The following RBFOX3 variants were observed in gnomAD, a reference collection of about 807,000 sequenced individuals.
RBFOX3 encodes the protein RNA binding fox-1 homolog 3, also known as RNA binding protein fox-1 homolog 3.
Under a neutral mutation model 48.7 loss-of-function variants are expected in RBFOX3, and 17 were observed. That is an observed-to-expected ratio of 0.35 (90% confidence interval 0.24 to 0.52). The LOEUF is 0.52. RBFOX3 is among the 20% of genes least tolerant of loss of function. The pLI, the probability that RBFOX3 is intolerant of heterozygous loss-of-function variation, is 0.94. For synonymous variants in RBFOX3, 212 were observed against 209.5 expected (o/e 1.01, Z -0.10); for missense variants, 382 against 497.5 (o/e 0.77, Z 2.21).
At chr17:79,334,848 C>T (rs1338100259) in intron 2 of RBFOX3, among the ~76,000 whole-genome samples, 1 of 152,244 alleles carries the variant, frequency 6.6e-6, no homozygotes, top group Admixed American at 6.5e-5. Flanking sequence ...TTGCCTGTGC[C>T]TGGCACGTAG....
the RBFOX3 span, among the ~76,000 whole-genome samples, chr17:79,620,631 ACG>A: frequency 9.3e-5 from 1 of 10,716 alleles, no homozygotes; most frequent in Non-Finnish European, 9.4e-4. Flanking sequence ...ACATGCACAC[ACG>A]CACACGCACA....
rs1342853404 is a variant in RBFOX3, at chr17:79,443,690, G to A, written c.-175+38764C>T. On this transcript the variant is annotated intron_variant, in intron 2 of 14. Transcript: ENST00000693108. This position sits in a 1 kb window ranked among gnomAD's most constrained non-coding sequence, Gnocchi z 4.4. ...GAGCCACCGCACCCTCTTGTTCACT[G>A]TCTCACATGTGCACACACTCGTTCT... Among the ~76,000 whole-genome samples, 2 of 152,162 alleles carry A rather than the reference G, an allele frequency of 1.3e-5. No homozygotes were observed. Among genetic ancestry groups the A allele is most frequent in the Non-Finnish European group, 2.9e-5 (2 of 68,038 alleles).
intron 1 of RBFOX3, among the ~76,000 whole-genome samples, chr17:79,581,216 C>T (rs1348376496): frequency 6.6e-6 from 1 of 152,154 alleles, no homozygotes; most frequent in Non-Finnish European, 1.5e-5. Context: ...CCACTGCACT[C>T]CAGCCTGGGC....
chr17:79,292,081 C>G (rs971805214), intron 3 of RBFOX3, among the ~76,000 whole-genome samples: 1 of 152,108 alleles, frequency 6.6e-6, no homozygotes, highest in Admixed American at 6.5e-5. Context: ...AGGGCTTTCT[C>G]TGGTGATCAG....
chr17:79,486,704 G>A (rs1388522685), intron 1 of RBFOX3, among the ~76,000 whole-genome samples: 2 of 152,196 alleles, frequency 1.3e-5, no homozygotes, highest in Non-Finnish European at 2.9e-5. Flanking sequence ...GGGTGGCAGG[G>A]CCCCCAGAAG....
At chr17:79,186,176 G>A (rs1321278176) in intron 4 of RBFOX3, among the ~76,000 whole-genome samples, 2 of 152,370 alleles carry the variant, frequency 1.3e-5, no homozygotes, top group South Asian at 2.1e-4. Context: ...GGGCCCAGGA[G>A]CATGTCTGGA....
At position 79,340,280 on chromosome 17, in the gene RBFOX3, T is replaced by C. The variant is rs575144338; in HGVS notation, c.-174-32456A>G. Among the ~76,000 whole-genome samples, 261 of 143,662 alleles carry C rather than the reference T, an allele frequency of 1.8e-3. 1 individual carries two copies. Among genetic ancestry groups the C allele is most frequent in the African/African-American group, 6.2e-3 (242 of 39,320 alleles). 94.2% of individuals were successfully genotyped at this position (143,662 alleles called of 152,430 possible). On this transcript the variant is annotated intron_variant, in intron 2 of 14. Transcript: ENST00000693108. Reference sequence around the variant, plus strand: ...CACCATTGCACTCCAGCCTGGGCAATAGAGTGAGACTCCATCTCAAAAAAA... The same window carrying C: ...CACCATTGCACTCCAGCCTGGGCAACAGAGTGAGACTCCATCTCAAAAAAA...
chr17:79,639,335 C>T, the RBFOX3 span, among the ~76,000 whole-genome samples: 4 of 151,984 alleles, frequency 2.6e-5, no homozygotes, highest in Non-Finnish European at 4.4e-5. Flanking sequence ...CCACCGCGCC[C>T]GGCTAATTTT....
chr17:79,590,454 T>C (rs2093384252), intron 1 of RBFOX3, among the ~76,000 whole-genome samples: 2 of 152,234 alleles, frequency 1.3e-5, no homozygotes, highest in Admixed American at 6.5e-5. Flanking sequence ...CTTCCAAAAA[T>C]TGCAACCTAT....
intron 3 of RBFOX3, among the ~76,000 whole-genome samples, chr17:79,259,501 G>A (rs1185505518): frequency 6.6e-6 from 1 of 152,216 alleles, no homozygotes; most frequent in Non-Finnish European, 1.5e-5. Flanking sequence ...GAGAAGACAA[G>A]CTGCAAACCA....
chr17:79,332,010 G>A, intron 2 of RBFOX3, among the ~76,000 whole-genome samples: 1 of 152,182 alleles, frequency 6.6e-6, no homozygotes, highest in Admixed American at 6.5e-5. Context: ...TCTATCTCAG[G>A]TCTGAGCAAC....
At chr17:79,584,426 A>G (rs1449286558) in intron 1 of RBFOX3, among the ~76,000 whole-genome samples, 2 of 152,250 alleles carry the variant, frequency 1.3e-5, no homozygotes, top group African/African-American at 4.8e-5. Flanking sequence ...GATACAAAAA[A>G]AGATATTTGC....
intron 3 of RBFOX3, among the ~76,000 whole-genome samples, chr17:79,281,646 A>T (rs1376665939): frequency 6.6e-6 from 1 of 152,208 alleles, no homozygotes; most frequent in Admixed American, 6.5e-5. Context: ...ACATCTCTGC[A>T]CCGCTAGCCC....
rs1163692811 is a variant in RBFOX3 at position 79,212,295 on chromosome 17, G to T, written c.-34+23471C>A. On this transcript the variant is annotated intron_variant, in intron 4 of 14. Transcript: ENST00000693108. This position sits in a 1 kb window ranked among gnomAD's most constrained non-coding sequence, Gnocchi z 4.7. ...GCTGGGGCAGGGCTGCTCCGCCTGG[G>T]CTCCTACGTGACTCCTTTCTCCTCC... Among the ~76,000 whole-genome samples, 1 of 152,090 alleles carries T rather than the reference G, an allele frequency of 6.6e-6. No homozygotes were observed. The highest frequency in any genetic ancestry group is 2.4e-5 in the African/African-American group (1 of 41,404).
At chr17:79,366,396 T>C (rs1490194019) in intron 2 of RBFOX3, among the ~76,000 whole-genome samples, 1 of 152,242 alleles carries the variant, frequency 6.6e-6, no homozygotes, top group East Asian at 1.9e-4. Flanking sequence ...AAAGTGTTTA[T>C]TTAATTCTAA....
chr17:79,163,165 G>A (rs900577220), intron 4 of RBFOX3, among the ~76,000 whole-genome samples: 2 of 152,190 alleles, frequency 1.3e-5, no homozygotes, highest in African/African-American at 4.8e-5. Flanking sequence ...GGGAGCATCC[G>A]GCCCCAGGAC....
chr17:79,389,082 G>A (rs1019979118), intron 2 of RBFOX3, among the ~76,000 whole-genome samples: 1 of 150,252 alleles, frequency 6.7e-6, no homozygotes, highest in Admixed American at 6.6e-5. Context: ...AGAGACGGAG[G>A]GACGAAGCGG....
intron 1 of RBFOX3, among the ~76,000 whole-genome samples, chr17:79,520,471 G>A (rs1438302159): frequency 2.6e-5 from 4 of 152,164 alleles, no homozygotes; most frequent in Non-Finnish European, 5.9e-5. Context: ...TCAGGTGCCA[G>A]GAACACAGGA....
the RBFOX3 span, among the ~76,000 whole-genome samples, chr17:79,620,563 A>G: frequency 7.1e-6 from 1 of 141,458 alleles, no homozygotes; most frequent in East Asian, 2.1e-4. Flanking sequence ...ACATGTGCAC[A>G]CCCGCGCGTG....
Sources: gnomAD v4.1 joint callset for allele counts (sites outside exome capture counted in the v4.1 genomes callset) on GRCh38, gnomAD v4.1.1 for gene constraint, Gnocchi (gnomAD v3.1) non-coding constraint, MANE v1.5 for transcripts, NCBI Gene and HGNC (gene_info 2026-07-23, HGNC 2026-07-21) for gene names.